The following ZNRF2 variants were observed in gnomAD, a reference collection of about 807,000 sequenced individuals.
ZNRF2 encodes the protein zinc and ring finger 2, also known as E3 ubiquitin-protein ligase ZNRF2.
In ZNRF2, 16 loss-of-function variants were observed where a neutral mutation model predicts 20.4. The ratio of observed to expected loss-of-function variants is 0.79; its 90% CI spans 0.53 to 1.19. The LOEUF (loss-of-function observed/expected upper bound fraction) is 1.19, where lower values mean the gene tolerates loss of function less well. ZNRF2 is among the 50% of genes most tolerant of loss of function. The pLI is 0.00. For missense variants in ZNRF2, 363 were observed against 332.4 expected, an observed-to-expected ratio of 1.09 and a Z score of -0.72; for synonymous variants, 178 against 144.9, an observed-to-expected ratio of 1.23 and a Z score of -1.64.
In ZNRF2 at chr7:30,348,502, C is replaced by T. The variant is rs141600694; in HGVS notation, c.566-7226C>T. Among the ~76,000 whole-genome samples, 187 of 152,320 alleles carry T rather than the reference C, an allele frequency of 1.2e-3. 1 individual carries two copies. Among genetic ancestry groups the T allele is most frequent in the African/African-American group, 4.4e-3 (183 of 41,578 alleles). Reference sequence around the variant, plus strand: ...GGCAAAGGATTGGCCACATCTGACTCACAGCCATGTTTTATTTTGCTTACA... The same window carrying T: ...GGCAAAGGATTGGCCACATCTGACTTACAGCCATGTTTTATTTTGCTTACA... On this transcript the variant is annotated intron_variant, in intron 2 of 4. Transcript: ENST00000323037.
At chr7:30,333,054 CTT>C (rs1259371701) in intron 2 of ZNRF2, among the ~76,000 whole-genome samples, 1,451 of 138,954 alleles carry the variant, frequency 0.01, 10 homozygotes, top group South Asian at 0.035. Flanking sequence ...TATATTTTGA[CTT>C]TTTTTTTTTT....
At position 30,285,079 on chromosome 7, in the gene ZNRF2, TG is replaced by T; in HGVS notation, c.-278del. 1 of 411,642 alleles carries T rather than the reference TG, an allele frequency of 2.4e-6. No individual in the cohort carries two copies. 25.5% of individuals were successfully genotyped at this position (411,642 alleles called of 1,614,324 possible). On this transcript the variant is annotated 5_prime_UTR_variant, in exon 1 of 5. Transcript: ENST00000323037. Reference sequence around the variant, plus strand: ...CACGGCCACTTGAGCCGCCCCTTCCTGCTGGAGCCAGCGAGGGGTGCCTGCA... The same window carrying T: ...CACGGCCACTTGAGCCGCCCCTTCCTCTGGAGCCAGCGAGGGGTGCCTGCA...
intron 1 of ZNRF2, among the ~76,000 whole-genome samples, chr7:30,308,289 A>G (rs1172747324): frequency 6.6e-6 from 1 of 152,162 alleles, no homozygotes; most frequent in Non-Finnish European, 1.5e-5. Context: ...CTGTAAATAC[A>G]CCAGAATTTT....
At chr7:30,293,009 C>A (rs2128055447) in intron 1 of ZNRF2, among the ~76,000 whole-genome samples, 1 of 152,184 alleles carries the variant, frequency 6.6e-6, no homozygotes, top group Non-Finnish European at 1.5e-5. Context: ...GGCAAAAATC[C>A]AGATGAAAGA....
chr7:30,298,855 T>TTGCCAGTTCTTGTGCC (rs1308679926), intron 1 of ZNRF2, among the ~76,000 whole-genome samples: 12 of 152,200 alleles, frequency 7.9e-5, no homozygotes, highest in Non-Finnish European at 1.2e-4. Flanking sequence ...TATCTTGTGC[T>TTGCCAGTTCTTGTGCC]TGCCAGTTCT....
chr7:30,307,662 G>A (rs941714503), intron 1 of ZNRF2, among the ~76,000 whole-genome samples: 1 of 151,748 alleles, frequency 6.6e-6, no homozygotes, highest in Non-Finnish European at 1.5e-5. Context: ...TTTTTTAAAG[G>A]TATAAATATA....
At chr7:30,287,618 C>T (rs1798815551) in intron 1 of ZNRF2, among the ~76,000 whole-genome samples, 1 of 152,006 alleles carries the variant, frequency 6.6e-6, no homozygotes, top group Non-Finnish European at 1.5e-5. Context: ...GGAGATAAAG[C>T]ATTTATCTTT....
chr7:30,364,990 G>A (rs1188554633), intron 4 of ZNRF2, among the ~76,000 whole-genome samples: 1 of 152,020 alleles, frequency 6.6e-6, no homozygotes, highest in Admixed American at 6.6e-5. Flanking sequence ...ACTCCCTCAA[G>A]CTTCTATAAG....
chr7:30,287,178 C>T (rs1401646151), intron 1 of ZNRF2, among the ~76,000 whole-genome samples: 1 of 152,138 alleles, frequency 6.6e-6, no homozygotes, highest in Non-Finnish European at 1.5e-5. Flanking sequence ...AGTAAAAGAA[C>T]TCTACTGGTG....
chr7:30,293,577 C>T (rs1330614930), intron 1 of ZNRF2, among the ~76,000 whole-genome samples: 1 of 152,076 alleles, frequency 6.6e-6, no homozygotes, highest in Non-Finnish European at 1.5e-5. Context: ...ATGGGATTGC[C>T]AGAAACAAAG....
chr7:30,355,480 G>GT (rs1212087490), intron 2 of ZNRF2, among the ~76,000 whole-genome samples: 1 of 152,082 alleles, frequency 6.6e-6, no homozygotes, highest in Non-Finnish European at 1.5e-5. Context: ...ATTCTGTACT[G>GT]TTTTTGCTTA....
rs1483405303 is a variant in ZNRF2, at chr7:30,367,408, A to C, written c.*1396A>C. 1 of 152,412 alleles carries C rather than the reference A, an allele frequency of 6.6e-6. No individual in the cohort carries two copies. Among genetic ancestry groups the C allele is most frequent in the Non-Finnish European group, 1.5e-5 (1 of 67,886 alleles). The allele number at this position is 152,412 out of a possible 1,614,324, so 9.4% of individuals were successfully genotyped here. ...TAAGTAGGTTTTGTGTTTTCAACGT[A>C]GGGAAAATGTTATCAGTGAATAGGT... On this transcript the variant is annotated 3_prime_UTR_variant, in exon 5 of 5. Transcript: ENST00000323037.
At chr7:30,323,964 A>G (rs574522091) in intron 2 of ZNRF2, among the ~76,000 whole-genome samples, 16 of 152,286 alleles carry the variant, frequency 1.1e-4, no homozygotes, top group South Asian at 6.2e-4. Flanking sequence ...ATATCTATCC[A>G]TATTTGTCAT....
chr7:30,331,899 A>G (rs1380551782), intron 2 of ZNRF2, among the ~76,000 whole-genome samples: 1 of 152,174 alleles, frequency 6.6e-6, no homozygotes, highest in Admixed American at 6.6e-5. Context: ...TTTACTTTAT[A>G]AAGATAATGG....
intron 2 of ZNRF2, among the ~76,000 whole-genome samples, chr7:30,326,788 C>T (rs540292848): frequency 5.3e-5 from 8 of 152,240 alleles, no homozygotes; most frequent in African/African-American, 1.7e-4. Context: ...TCTGCAGCCT[C>T]TCCAACATGT....
At chr7:30,359,192 T>C (rs926111473) in intron 3 of ZNRF2, among the ~76,000 whole-genome samples, 88 of 152,180 alleles carry the variant, frequency 5.8e-4, no homozygotes, top group African/African-American at 1.9e-3. Context: ...GGAAAGAAAA[T>C]CGTGGAAATG....
intron 1 of ZNRF2, among the ~76,000 whole-genome samples, chr7:30,300,234 T>TGTCTC (rs926161657): frequency 6.7e-6 from 1 of 150,212 alleles, no homozygotes; most frequent in Non-Finnish European, 1.5e-5. Flanking sequence ...CTGCAACCTC[T>TGTCTC]GTCTCGTGGG....
chr7:30,285,092 G>A lies in ZNRF2; in HGVS notation c.-266G>A, dbSNP rs183638314. 6.2e-3 allele frequency: 2,580 copies of A among 415,082 alleles called. 53 individuals carry two copies. The highest frequency in any genetic ancestry group is 0.05 in the African/African-American group (2,281 of 45,934). The allele number at this position is 415,082 out of a possible 1,614,324, so 25.7% of individuals were successfully genotyped here. On this transcript the variant is annotated 5_prime_UTR_variant, in exon 1 of 5. Transcript: ENST00000323037. ...GCCGCCCCTTCCTGCTGGAGCCAGC[G>A]AGGGGTGCCTGCAGCCGGGACCCCT...
At chr7:30,361,022 AG>A (rs1225441002) in intron 3 of ZNRF2, among the ~76,000 whole-genome samples, 1 of 152,224 alleles carries the variant, frequency 6.6e-6, no homozygotes, top group Non-Finnish European at 1.5e-5. Flanking sequence ...GTTTATGTGA[AG>A]AGGACCTGGA....
Sources: gnomAD v4.1 joint callset for allele counts (sites outside exome capture counted in the v4.1 genomes callset) on GRCh38, gnomAD v4.1.1 for gene constraint, MANE v1.5 for transcripts, NCBI Gene and HGNC (gene_info 2026-07-23, HGNC 2026-07-21) for gene names.